The following HS6ST2 variants were observed in gnomAD, a reference collection of about 807,000 sequenced individuals.
HS6ST2 encodes heparan-sulfate 6-O-sulfotransferase 2.
A neutral mutation model predicts 33.0 loss-of-function variants in HS6ST2; 17 were observed. That is an observed-to-expected ratio of 0.52 (90% confidence interval 0.35 to 0.77). The LOEUF is 0.77. Among genes scored for constraint, HS6ST2 ranks in the 30% least tolerant of loss-of-function variants. HS6ST2 has a pLI of 0.01. For synonymous variants in HS6ST2, 248 were observed against 237.1 expected (o/e 1.05, Z -0.42); for missense variants, 519 against 551.7 (o/e 0.94, Z 0.59).
chrX:132,930,750 T>A (rs2066760363), intron 2 of HS6ST2, among the ~76,000 whole-genome samples: 1 of 110,825 alleles, frequency 9.0e-6, no homozygotes, highest in Admixed American at 9.6e-5. Context: ...GAGAGACCAG[T>A]GAAAAGTCCA....
chrX:132,810,244 A>AT lies in HS6ST2; in HGVS notation c.948-101751dup, dbSNP rs201273884. ...AACATAATGACACCTCATCTCTGTAATTTTTTTTTTAAACAGCTAGGCCTG... is the reference window on the plus strand; with the variant it reads ...AACATAATGACACCTCATCTCTGTAATTTTTTTTTTTAAACAGCTAGGCCTG... On this transcript the variant is annotated intron_variant, in intron 2 of 4. Coordinates refer to ENST00000370833, the MANE Select transcript of HS6ST2 (RefSeq NM_001394073.1). 6.5e-5 allele frequency among the ~76,000 whole-genome samples: 7 copies of AT among 107,102 alleles called. No homozygotes were observed. The East Asian group carries it at 1.2e-3, about 18-fold the overall frequency. 93.0% of individuals were successfully genotyped at this position (107,102 alleles called of 115,157 possible). A position where few individuals can be genotyped will look rare whatever the true frequency, so the allele number is the denominator to read the frequency against.
chrX:132,807,528 C>G (rs1347974753), intron 2 of HS6ST2, among the ~76,000 whole-genome samples: 1 of 110,809 alleles, frequency 9.0e-6, no homozygotes, highest in Admixed American at 9.7e-5. Context: ...AGGGCTCATG[C>G]TTATAGGGAC....
intron 4 of HS6ST2, among the ~76,000 whole-genome samples, chrX:132,640,610 A>G (rs972761898): frequency 2.7e-5 from 3 of 111,619 alleles, no homozygotes; most frequent in Non-Finnish European, 5.6e-5. Context: ...CATCAGCAAC[A>G]TGTGACTACT....
intron 4 of HS6ST2, among the ~76,000 whole-genome samples, chrX:132,658,052 C>T (rs1335445043): frequency 1.8e-5 from 2 of 110,271 alleles, no homozygotes; most frequent in Non-Finnish European, 3.8e-5. Flanking sequence ...GCAAGCCCAG[C>T]CTTCTTAATT....
chrX:132,816,030 T>A (rs1473101550), intron 2 of HS6ST2, among the ~76,000 whole-genome samples: 1 of 111,866 alleles, frequency 8.9e-6, no homozygotes, highest in Non-Finnish European at 1.9e-5. Context: ...AACAAAAAAA[T>A]TATATCCCCA....
chrX:132,674,085 C>T (rs2063906663), intron 3 of HS6ST2, among the ~76,000 whole-genome samples: 1 of 111,827 alleles, frequency 8.9e-6, no homozygotes, highest in Non-Finnish European at 1.9e-5. Context: ...ATCTTACGCT[C>T]ATTATCTATA....
At chrX:132,812,585 G>C (rs919919704) in intron 2 of HS6ST2, among the ~76,000 whole-genome samples, 2 of 49,564 alleles carry the variant, frequency 4.0e-5, no homozygotes, top group Non-Finnish European at 7.7e-5. Flanking sequence ...TTTTTTTTTG[G>C]GGGGGGGAGA....
intron 4 of HS6ST2, among the ~76,000 whole-genome samples, chrX:132,656,487 CA>C (rs2063730546): frequency 9.1e-6 from 1 of 110,465 alleles, no homozygotes; most frequent in Non-Finnish European, 1.9e-5. Context: ...TTTTGGAGTA[CA>C]AGTAGTTTTG....
At position 132,769,649 on chromosome X, in the gene HS6ST2, G is replaced by T. The variant is rs1426753229; in HGVS notation, c.948-61155C>A. Among the ~76,000 whole-genome samples the T allele has an allele frequency of 1.8e-4, 20 of 112,457 alleles. No homozygotes were observed. In the Admixed American group the frequency reaches 1.9e-3, roughly 11 times the overall value. The stretch of plus-strand genomic sequence containing the variant: ...AACAAATATCACCCACTGCTAAAAA[G>T]CTTTGGGCTTGGTAGACAATTCCAG... On this transcript the variant is annotated intron_variant, in intron 2 of 4. Transcript: ENST00000370833.
In HS6ST2 at chrX:132,753,493, T is replaced by A. The variant is rs915221077; in HGVS notation, c.948-44999A>T. Among the ~76,000 whole-genome samples the A allele has an allele frequency of 5.4e-5, 6 of 111,291 alleles. No homozygotes were observed. In the Admixed American group the frequency reaches 5.7e-4, roughly 11 times the overall value. ...GGTAGTGAATAAGTCTCATGAGATC[T>A]GATGGTTTTATAAATGGGAGTTCCC... On this transcript the variant is annotated intron_variant, in intron 2 of 4. Coordinates refer to ENST00000370833, the MANE Select transcript of HS6ST2 (RefSeq NM_001394073.1).
intron 2 of HS6ST2, among the ~76,000 whole-genome samples, chrX:132,774,741 C>T (rs190368026): frequency 1.8e-5 from 2 of 110,656 alleles, no homozygotes; most frequent in Admixed American, 9.6e-5. Flanking sequence ...AGTGCAGTCC[C>T]GTGGTCCTGG....
intron 2 of HS6ST2, among the ~76,000 whole-genome samples, chrX:132,936,875 A>G (rs1038733303): frequency 1.2e-4 from 13 of 111,612 alleles, no homozygotes; most frequent in Middle Eastern, 4.6e-3. Flanking sequence ...AAGAAAAAAA[A>G]AAAAGAAAGA....
At chrX:132,860,720 CAACT>C (rs1229859109) in intron 2 of HS6ST2, among the ~76,000 whole-genome samples, 2 of 108,799 alleles carry the variant, frequency 1.8e-5, no homozygotes, top group African/African-American at 6.7e-5. Flanking sequence ...CCTAACATAC[CAACT>C]GTTTTTGTTT....
intron 2 of HS6ST2, among the ~76,000 whole-genome samples, chrX:132,850,266 C>T (rs1185014463): frequency 2.7e-5 from 3 of 112,005 alleles, no homozygotes; most frequent in Non-Finnish European, 5.6e-5. Flanking sequence ...TAAATAATGA[C>T]GTGCTCTGGT....
At chrX:132,786,602 C>T (rs2065062818) in intron 2 of HS6ST2, among the ~76,000 whole-genome samples, 1 of 103,423 alleles carries the variant, frequency 9.7e-6, no homozygotes, top group Non-Finnish European at 2.0e-5. Flanking sequence ...TTTCTCTTTG[C>T]TTCCTGTCTT....
intron 2 of HS6ST2, among the ~76,000 whole-genome samples, chrX:132,749,129 A>T (rs938152943): frequency 8.9e-6 from 1 of 111,784 alleles, no homozygotes; most frequent in Admixed American, 9.5e-5. Context: ...CTCTCCCCTC[A>T]CAGGCAGAGT....
chrX:132,721,402 C>T (rs1407270930), intron 2 of HS6ST2, among the ~76,000 whole-genome samples: 9 of 111,429 alleles, frequency 8.1e-5, no homozygotes, highest in Non-Finnish European at 1.5e-4. Flanking sequence ...GCACAACATC[C>T]CAAAGCCTAT....
At chrX:132,661,838 T>C (rs922288265) in intron 4 of HS6ST2, among the ~76,000 whole-genome samples, 6 of 111,284 alleles carry the variant, frequency 5.4e-5, no homozygotes, top group Non-Finnish European at 1.1e-4. Flanking sequence ...GAGACCAGCC[T>C]GGGCAACATA....
At chrX:132,898,203 T>C (rs955028669) in intron 2 of HS6ST2, among the ~76,000 whole-genome samples, 71 of 109,351 alleles carry the variant, frequency 6.5e-4, no homozygotes, top group Non-Finnish European at 4.2e-4. Context: ...CGTGGAAAAA[T>C]TGTCTTCTAC....
Sources: allele counts gnomAD v4.1 joint callset (sites outside exome capture counted in the v4.1 genomes callset), GRCh38; gene constraint gnomAD v4.1.1; transcripts MANE v1.5; gene names NCBI Gene and HGNC (gene_info 2026-07-23, HGNC 2026-07-21).